IMPG1: variants seen among roughly 807,000 people sequenced by gnomAD.
IMPG1 encodes the protein interphotoreceptor matrix proteoglycan of 150 kDa.
IMPG1 carries 85 observed loss-of-function variants against 92.0 expected under a neutral mutation model. The ratio of observed to expected loss-of-function variants is 0.92; its 90% confidence interval spans 0.78 to 1.11. The LOEUF (loss-of-function observed/expected upper bound fraction) is 1.11, where lower values mean the gene tolerates loss of function less well. Among genes scored for constraint, IMPG1 ranks in the 50% least tolerant of loss-of-function variants. The pLI, the probability that IMPG1 is intolerant of heterozygous loss-of-function variation, is 0.00. For synonymous variants in IMPG1, 367 were observed against 334.1 expected, an observed-to-expected ratio of 1.10 and a Z score of -1.08; for missense variants, 1,022 against 956.0, an observed-to-expected ratio of 1.07 and a Z score of -0.91.
At chr6:76,055,083 T>TCTAC (rs1784098822) in intron 1 of IMPG1, among the ~76,000 whole-genome samples, 3 of 152,028 alleles carry the variant, frequency 2.0e-5, no homozygotes, top group African/African-American at 7.2e-5. Context: ...AATGGACATG[T>TCTAC]ATGAGGCATC....
intron 1 of IMPG1, among the ~76,000 whole-genome samples, chr6:76,061,833 C>G (rs1164984106): frequency 2.0e-5 from 3 of 152,110 alleles, no homozygotes; most frequent in Admixed American, 1.3e-4. Flanking sequence ...CCATTATGAA[C>G]CTCAAAGAAA....
At chr6:76,048,515 T>G (rs1465508385) in intron 1 of IMPG1, among the ~76,000 whole-genome samples, 2 of 152,200 alleles carry the variant, frequency 1.3e-5, no homozygotes, top group Non-Finnish European at 2.9e-5. Flanking sequence ...GATTGGTCTG[T>G]GCTCCTACTT....
intron 5 of IMPG1, among the ~76,000 whole-genome samples, chr6:76,024,208 T>C (rs1484579220): frequency 1.3e-5 from 2 of 152,168 alleles, no homozygotes; most frequent in Non-Finnish European, 2.9e-5. Context: ...CGGCTTTCTC[T>C]GAATGTCAGT....
intron 14 of IMPG1, among the ~76,000 whole-genome samples, chr6:75,941,298 G>A (rs561063746): frequency 1.3e-5 from 2 of 152,276 alleles, no homozygotes; most frequent in East Asian, 3.9e-4. Context: ...ACAGGCTTGA[G>A]TAATTGTTGA....
At chr6:76,051,487 T>C (rs1456414556) in intron 1 of IMPG1, among the ~76,000 whole-genome samples, 1 of 152,184 alleles carries the variant, frequency 6.6e-6, no homozygotes, top group African/African-American at 2.4e-5. Flanking sequence ...TCAACAAACT[T>C]ATACAATGCC....
At chr6:75,955,777 A>T (rs974154774) in intron 12 of IMPG1, among the ~76,000 whole-genome samples, 5 of 152,192 alleles carry the variant, frequency 3.3e-5, no homozygotes, top group African/African-American at 1.2e-4. Flanking sequence ...AGGTTCCATT[A>T]ACACCTAATT....
intron 1 of IMPG1, among the ~76,000 whole-genome samples, chr6:76,044,547 A>G (rs1342659619): frequency 6.6e-6 from 1 of 152,112 alleles, no homozygotes; most frequent in Non-Finnish European, 1.5e-5. Context: ...TTACTGCCTA[A>G]TGTTATGCCC....
At position 75,923,788 on chromosome 6, in the gene IMPG1, G is replaced by A. The variant is rs1015905794; in HGVS notation, c.2244-82C>T. 3.9e-6 allele frequency: 3 copies of A among 773,668 alleles called. No individual in the cohort carries two copies. In the African/African-American group the frequency reaches 5.3e-5, roughly 14 times the overall value. The allele number at this position is 773,668 out of a possible 1,614,324, so 47.9% of individuals were successfully genotyped here. On this transcript the variant is annotated intron_variant, in intron 15 of 16. Transcript: ENST00000369950. ...GTAACTACATCTTTCTACTGTTTTA[G>A]TTTTAACATCATGACAAGTGAAAAT...
At chr6:75,947,225 C>T (rs1781940862) in intron 14 of IMPG1, 89 bp downstream of exon 14, 4 of 1,000,618 alleles carry the variant, frequency 4.0e-6, no homozygotes, top group South Asian at 1.5e-5. Flanking sequence ...TTTTTGTGGC[C>T]TAAAGATTGA....
At chr6:76,048,022 G>T (rs773790463) in intron 1 of IMPG1, among the ~76,000 whole-genome samples, 1 of 152,112 alleles carries the variant, frequency 6.6e-6, no homozygotes, top group African/African-American at 2.4e-5. Context: ...CTTTCCATAA[G>T]TAAATAATCA....
rs1562354759 is a variant in IMPG1 at position 75,974,387 on chromosome 6, CTTTCT to C, written c.1292-23298_1292-23294del. 9.4e-3 allele frequency among the ~76,000 whole-genome samples: 572 copies of C among 60,894 alleles called. 12 individuals carry two copies. Among genetic ancestry groups the C allele is most frequent in the African/African-American group, 0.03 (516 of 17,180 alleles). 39.9% of individuals were successfully genotyped at this position (60,894 alleles called of 152,430 possible). A position where few individuals can be genotyped will look rare whatever the true frequency, so the allele number is the denominator to read the frequency against. ...TCTTTCTTTCTTTCTTTCTTTCTTT[CTTTCT>C]TTTCTTTCTTTCCTTCCTTCCTTCC... On this transcript the variant is annotated intron_variant, in intron 12 of 16. Coordinates refer to ENST00000369950, the MANE Select transcript of IMPG1 (RefSeq NM_001563.4).
chr6:75,924,585 AT>A (rs374803942), intron 15 of IMPG1, among the ~76,000 whole-genome samples: 394 of 22,130 alleles, frequency 0.018, 67 homozygotes, highest in Non-Finnish European at 0.029. Context: ...AATTAATATA[AT>A]TATATATTAT....
At chr6:76,005,219 G>A in intron 10 of IMPG1, 68 bp downstream of exon 10, 2 of 1,492,336 alleles carry the variant, frequency 1.3e-6, no homozygotes, top group Middle Eastern at 1.8e-4. Context: ...CAGTTTCCAT[G>A]AGACATTCAC....
chr6:76,047,666 G>T (rs1381310196), intron 1 of IMPG1, among the ~76,000 whole-genome samples: 2 of 152,088 alleles, frequency 1.3e-5, no homozygotes, highest in Non-Finnish European at 1.5e-5. Context: ...TGACAGAGAT[G>T]CAATACATAT....
chr6:76,035,964 G>A (rs1783736207), intron 2 of IMPG1, among the ~76,000 whole-genome samples: 1 of 152,136 alleles, frequency 6.6e-6, no homozygotes, highest in South Asian at 2.1e-4. Context: ...CTGATTGATA[G>A]ATCATTAAAA....
rs1783287670 is a variant in IMPG1 at position 76,016,382 on chromosome 6, C to T, written c.807+2336G>A. Among the ~76,000 whole-genome samples, 6 of 152,180 alleles carry T rather than the reference C, an allele frequency of 3.9e-5. No homozygotes were observed. In the South Asian group the frequency reaches 1.2e-3, roughly 32 times the overall value. On this transcript the variant is annotated intron_variant, in intron 7 of 16. Coordinates refer to ENST00000369950, the MANE Select transcript of IMPG1 (RefSeq NM_001563.4). ...TTATCCTACTTTGAAGATACTCTGA[C>T]TATACTAAGGAATTGCCAAAAAGAA...
chr6:75,931,633 C>A (rs1340008969), intron 14 of IMPG1, among the ~76,000 whole-genome samples: 1 of 151,904 alleles, frequency 6.6e-6, no homozygotes, highest in Non-Finnish European at 1.5e-5. Flanking sequence ...TTTATGTGAA[C>A]AGTTTTGAGA....
intron 5 of IMPG1, 103 bp downstream of exon 5, chr6:76,025,091 C>G: frequency 1.4e-6 from 1 of 730,094 alleles, no homozygotes; most frequent in Non-Finnish European, 2.4e-6. Flanking sequence ...TGAGAAAGTA[C>G]ATTATAAACA....
At chr6:76,007,628 T>C in intron 8 of IMPG1, 128 bp from the exon 9 acceptor site, 1 of 618,020 alleles carries the variant, frequency 1.6e-6, no homozygotes, top group Non-Finnish European at 2.7e-6. Context: ...CTCTTTTGTT[T>C]GTTCAGAGCT....
Sources: allele counts gnomAD v4.1 joint callset (sites outside exome capture counted in the v4.1 genomes callset), GRCh38; gene constraint gnomAD v4.1.1; transcripts MANE v1.5; gene names NCBI Gene and HGNC (gene_info 2026-07-23, HGNC 2026-07-21).